The following CAMTA1 variants were observed in gnomAD, a reference collection of about 807,000 sequenced individuals.
The protein encoded by CAMTA1 is calmodulin-binding transcription activator 1.
CAMTA1 carries 27 observed loss-of-function variants against 170.9 expected under a neutral mutation model. The ratio of observed to expected loss-of-function variants is 0.16; its 90% CI spans 0.12 to 0.22. CAMTA1 has a LOEUF of 0.22. Among genes scored for constraint, CAMTA1 ranks in the 10% least tolerant of loss-of-function variants. CAMTA1 has a pLI of 1.00. For synonymous variants in CAMTA1, 833 were observed against 891.5 expected (o/e 0.93, Z 1.17); for missense variants, 1,619 against 2,217.2 (o/e 0.73, Z 5.42).
intron 5 of CAMTA1, among the ~76,000 whole-genome samples, chr1:7,371,200 C>T (rs2086437849): frequency 6.6e-6 from 1 of 151,342 alleles, no homozygotes; most frequent in African/African-American, 2.4e-5. Context: ...CGTGAGCCAC[C>T]GTGCCTGGCC....
In CAMTA1 at chr1:7,333,790, AG is replaced by A. The variant is rs1278475621; in HGVS notation, c.438+84165del. Among the ~76,000 whole-genome samples, 2 of 152,230 alleles carry A rather than the reference AG, an allele frequency of 1.3e-5. No homozygotes were observed. The highest frequency in any genetic ancestry group is 2.9e-5 in the Non-Finnish European group (2 of 68,048). On this transcript the variant is annotated intron_variant, in intron 5 of 22. Coordinates refer to ENST00000303635, the MANE Select transcript of CAMTA1 (RefSeq NM_015215.4). The surrounding 1 kb of genome is among the most constrained non-coding windows in gnomAD (Gnocchi z 4.4). The stretch of plus-strand genomic sequence containing the variant: ...ACTTTAGATTTGCTTTGCCGTTTGC[AG>A]TCTCTTGAATAAAGCATTTTTGTAG...
intron 6 of CAMTA1, among the ~76,000 whole-genome samples, chr1:7,559,853 G>T (rs2094934004): frequency 6.6e-6 from 1 of 152,274 alleles, no homozygotes; most frequent in Non-Finnish European, 1.5e-5. Context: ...GGGGAGGGGG[G>T]CCTCAGGGCC....
chr1:7,269,336 C>G (rs928973656), intron 5 of CAMTA1, among the ~76,000 whole-genome samples: 1 of 152,214 alleles, frequency 6.6e-6, no homozygotes, highest in African/African-American at 2.4e-5. Flanking sequence ...ATATGGACCT[C>G]CAATATGGCA....
chr1:7,276,303 A>ATATATATTTTTTTTTTTTTT, intron 5 of CAMTA1, among the ~76,000 whole-genome samples: 7 of 24,234 alleles, frequency 2.9e-4, no homozygotes, highest in East Asian at 1.5e-3. Flanking sequence ...ATATATATAT[A>ATATATATTTTTTTTTTTTTT]TTTTTTTTTT....
At chr1:6,858,994 ATTATC>A (rs1312407492) in intron 3 of CAMTA1, among the ~76,000 whole-genome samples, 3 of 152,222 alleles carry the variant, frequency 2.0e-5, no homozygotes, top group Admixed American at 1.3e-4. Context: ...TCCCATAGAA[ATTATC>A]TTATTATATT....
At chr1:6,922,602 T>C (rs926660098) in intron 3 of CAMTA1, among the ~76,000 whole-genome samples, 1 of 152,198 alleles carries the variant, frequency 6.6e-6, no homozygotes, top group Non-Finnish European at 1.5e-5. Flanking sequence ...CTCAAATGCA[T>C]GTCCTGAGAA....
chr1:7,366,721 C>T (rs574867059), intron 5 of CAMTA1, among the ~76,000 whole-genome samples: 1 of 152,344 alleles, frequency 6.6e-6, no homozygotes, highest in South Asian at 2.1e-4. Context: ...CCTTGGGCTG[C>T]AAGCTGCAGA....
chr1:7,759,799 G>A (rs1019238670), intron 22 of CAMTA1, among the ~76,000 whole-genome samples: 4 of 152,112 alleles, frequency 2.6e-5, no homozygotes, highest in African/African-American at 9.7e-5. Flanking sequence ...TATCCTCAAG[G>A]TATTGAGACT....
intron 1 of CAMTA1, among the ~76,000 whole-genome samples, chr1:6,800,153 C>G (rs1360908704): frequency 6.6e-6 from 1 of 152,114 alleles, no homozygotes; most frequent in Non-Finnish European, 1.5e-5. Context: ...TGCCTATAAT[C>G]TAAGCACTTT....
At chr1:6,815,873 G>A (rs993003867) in intron 1 of CAMTA1, among the ~76,000 whole-genome samples, 7 of 152,104 alleles carry the variant, frequency 4.6e-5, no homozygotes, top group African/African-American at 1.7e-4. Flanking sequence ...AAGATAACCC[G>A]CATGCACATT....
At chr1:7,349,398 G>T (rs1376153775) in intron 5 of CAMTA1, among the ~76,000 whole-genome samples, 2 of 152,140 alleles carry the variant, frequency 1.3e-5, no homozygotes, top group African/African-American at 4.8e-5. Flanking sequence ...CTCACTCCCT[G>T]CACATCTCTG....
In CAMTA1 at chr1:7,707,309, T is replaced by G. The variant is rs17031445; in HGVS notation, c.2915-25139T>G. Reference sequence around the variant, plus strand: ...CGTGAATAACAAGTGGAACTGAGTATTATTTACTTAATATGAGAAAGATAG... The same window carrying G: ...CGTGAATAACAAGTGGAACTGAGTAGTATTTACTTAATATGAGAAAGATAG... On this transcript the variant is annotated intron_variant, in intron 11 of 22. Coordinates refer to ENST00000303635, the MANE Select transcript of CAMTA1 (RefSeq NM_015215.4). 8.8e-3 allele frequency among the ~76,000 whole-genome samples: 1,337 copies of G among 152,322 alleles called. 12 individuals carry two copies. The highest frequency in any genetic ancestry group is 0.029 in the African/African-American group (1,209 of 41,572).
intron 6 of CAMTA1, among the ~76,000 whole-genome samples, chr1:7,567,276 G>A (rs1305019740): frequency 2.6e-5 from 4 of 152,190 alleles, no homozygotes; most frequent in East Asian, 1.9e-4. Context: ...AACCACAGGC[G>A]AAGTGTGGTG....
intron 4 of CAMTA1, among the ~76,000 whole-genome samples, chr1:7,191,844 G>A (rs1045835275): frequency 2.6e-5 from 4 of 152,110 alleles, no homozygotes; most frequent in Non-Finnish European, 4.4e-5. Context: ...CTCTAAGAAC[G>A]TCCCCTTCCT....
At position 7,007,580 on chromosome 1, in the gene CAMTA1, G is replaced by A. The variant is rs1403987098; in HGVS notation, c.235-83724G>A. Among the ~76,000 whole-genome samples the A allele has an allele frequency of 2.0e-5, 3 of 152,026 alleles. No individual in the cohort carries two copies. Among genetic ancestry groups the A allele is most frequent in the Non-Finnish European group, 4.4e-5 (3 of 68,004 alleles). ...TTACCTCCTGCTTCAGCCCTTACTC[G>A]CCTCCTCCAATCCCAAACTCCTCCC... On this transcript the variant is annotated intron_variant, in intron 3 of 22. Coordinates refer to ENST00000303635, the MANE Select transcript of CAMTA1 (RefSeq NM_015215.4). This position sits in a 1 kb window ranked among gnomAD's most constrained non-coding sequence, Gnocchi z 4.5.
chr1:6,785,715 AG>A (rs1638994573), intron 1 of CAMTA1, 140 bp downstream of exon 1: 1 of 10,420 alleles, frequency 9.6e-5, no homozygotes, highest in South Asian at 2.0e-3. Context: ...CCGGCCGGGG[AG>A]GGGGCCGGCG....
chr1:7,196,199 G>GCTCT (rs140611245), intron 4 of CAMTA1, among the ~76,000 whole-genome samples: 2 of 149,104 alleles, frequency 1.3e-5, no homozygotes, highest in Admixed American at 6.7e-5. Flanking sequence ...TTCCCCCTTA[G>GCTCT]CTCTCTCTCT....
At chr1:6,843,424 G>A (rs1656687277) in intron 3 of CAMTA1, among the ~76,000 whole-genome samples, 1 of 152,178 alleles carries the variant, frequency 6.6e-6, no homozygotes, top group African/African-American at 2.4e-5. Flanking sequence ...TGTGTTTTTG[G>A]TTTGGTCAGG....
rs536957089 is a variant in CAMTA1, at chr1:7,173,062, G to C, written c.303-76429G>C. ...GGGACAGGCTGTGCGGGAGGCGCAGGGGTGAGGCTCCGAAGCAAGAGCAGC... is the reference window on the plus strand; with the variant it reads ...GGGACAGGCTGTGCGGGAGGCGCAGCGGTGAGGCTCCGAAGCAAGAGCAGC... On this transcript the variant is annotated intron_variant, in intron 4 of 22. Transcript: ENST00000303635. The surrounding 1 kb of genome is among the most constrained non-coding windows in gnomAD (Gnocchi z 5.4). Among the ~76,000 whole-genome samples, 1 of 152,340 alleles carries C rather than the reference G, an allele frequency of 6.6e-6. No homozygotes were observed. The highest frequency in any genetic ancestry group is 2.1e-4 in the South Asian group (1 of 4,828).
Sources: allele counts gnomAD v4.1 joint callset (sites outside exome capture counted in the v4.1 genomes callset), GRCh38; gene constraint gnomAD v4.1.1; non-coding constraint Gnocchi (gnomAD v3.1); transcripts MANE v1.5; gene names NCBI Gene and HGNC (gene_info 2026-07-23, HGNC 2026-07-21).